The following DCC variants were observed in gnomAD, a reference collection of about 807,000 sequenced individuals.
The protein encoded by DCC is netrin receptor DCC.
Under a neutral mutation model 172.5 loss-of-function variants are expected in DCC, and 58 were observed. The ratio of observed to expected loss-of-function variants is 0.34; its 90% CI spans 0.27 to 0.42. DCC has a LOEUF of 0.42. DCC is among the 10% of genes least tolerant of loss of function. The pLI is 1.00. For synonymous variants in DCC, 709 were observed against 644.5 expected, an observed-to-expected ratio of 1.10 and a Z score of -1.52; for missense variants, 1,740 against 1,791.0, an observed-to-expected ratio of 0.97 and a Z score of 0.51.
intron 12 of DCC, among the ~76,000 whole-genome samples, chr18:53,247,513 C>A (rs2144650840): frequency 6.6e-6 from 1 of 152,124 alleles, no homozygotes; most frequent in Admixed American, 6.6e-5. Context: ...AGGAGAGTCT[C>A]TAGCACAATA....
At chr18:52,865,150 C>T (rs1459564380) in intron 2 of DCC, among the ~76,000 whole-genome samples, 1 of 152,162 alleles carries the variant, frequency 6.6e-6, no homozygotes, top group Non-Finnish European at 1.5e-5. Flanking sequence ...CAGGTGTGAG[C>T]CACCACACCC....
At chr18:53,507,534 T>A (rs1174000989) in intron 27 of DCC, among the ~76,000 whole-genome samples, 1 of 152,200 alleles carries the variant, frequency 6.6e-6, no homozygotes, top group Non-Finnish European at 1.5e-5. Context: ...ATCTTAGGCT[T>A]GCAGGAGGAC....
intron 1 of DCC, among the ~76,000 whole-genome samples, chr18:52,436,431 C>T (rs1987796746): frequency 1.3e-5 from 2 of 152,204 alleles, no homozygotes; most frequent in Admixed American, 6.5e-5. Context: ...TCTTGCCACT[C>T]AACATGCTGC....
rs554426005 is a variant in DCC, at chr18:52,783,127, C to T, written c.412+30753C>T. ...CTTTCAGAGGAAGCATAGTCTTAGA[C>T]TCTATTTATCATTTAAGTGAATAAT... is the stretch of plus-strand genomic sequence containing the variant. On this transcript the variant is annotated intron_variant, in intron 2 of 28. Coordinates refer to ENST00000442544, the MANE Select transcript of DCC (RefSeq NM_005215.4). Among the ~76,000 whole-genome samples, 256 of 150,662 alleles carry T rather than the reference C, an allele frequency of 1.7e-3. 1 individual carries two copies. The highest frequency in any genetic ancestry group is 2.4e-3 in the Admixed American group (37 of 15,134).
chr18:52,924,499 G>C (rs1323024973), intron 4 of DCC, among the ~76,000 whole-genome samples: 1 of 151,960 alleles, frequency 6.6e-6, no homozygotes, highest in Non-Finnish European at 1.5e-5. Flanking sequence ...GGCTGGCTTT[G>C]AATTGCTGGA....
chr18:52,549,704 T>G (rs1277774902), intron 1 of DCC, among the ~76,000 whole-genome samples: 1 of 152,134 alleles, frequency 6.6e-6, no homozygotes, highest in African/African-American at 2.4e-5. Context: ...GCAGCCTTAC[T>G]AACACAGAGT....
At chr18:53,486,663 T>C in intron 25 of DCC, 134 bp from the exon 26 acceptor site, 2 of 1,146,346 alleles carry the variant, frequency 1.7e-6, no homozygotes, top group Middle Eastern at 2.7e-4. Context: ...TGGAGAGAGG[T>C]AAGTAAGGGA....
chr18:53,207,688 G>C lies in DCC; in HGVS notation c.1732G>C (p.Val578Leu). The C allele has an allele frequency of 6.2e-7, 1 of 1,613,530 alleles. No homozygotes were observed. The highest frequency in any genetic ancestry group is 8.5e-7 in the Non-Finnish European group (1 of 1,179,634). The change falls in exon 11 of 29, where the codon GTT becomes CTT. Residue 578 changes from valine to leucine, a missense_variant. Coordinates refer to ENST00000442544, the MANE Select transcript of DCC (RefSeq NM_005215.4). Reference protein sequence around the residue: ...VSTGKEQNIEVDGLSYKLEGL... With the variant: ...VSTGKEQNIELDGLSYKLEGL... ...TGTTTTATGTCTCCAGAATATAGAG[G>C]TTGATGGACTATCTTATAAACTGGA...
intron 1 of DCC, among the ~76,000 whole-genome samples, chr18:52,656,942 G>A (rs923368090): frequency 6.6e-6 from 1 of 152,070 alleles, no homozygotes; most frequent in African/African-American, 2.4e-5. Context: ...TGGACAGCAT[G>A]CTGTCCTATT....
At chr18:53,515,498 G>A (rs1260322471) in intron 27 of DCC, among the ~76,000 whole-genome samples, 203 of 149,068 alleles carry the variant, frequency 1.4e-3, no homozygotes, top group African/African-American at 4.7e-3. Flanking sequence ...AGGAAAAGAG[G>A]AAGTCAAATT....
intron 1 of DCC, among the ~76,000 whole-genome samples, chr18:52,346,241 G>C (rs1018477924): frequency 2.6e-5 from 4 of 152,154 alleles, no homozygotes; most frequent in African/African-American, 9.7e-5. Context: ...ATAGGTAATA[G>C]CAAAAAATAA....
At chr18:52,955,532 C>T (rs116045764) in intron 5 of DCC, among the ~76,000 whole-genome samples, 1 of 151,784 alleles carries the variant, frequency 6.6e-6, no homozygotes, top group African/African-American at 2.4e-5. Context: ...TTTTTGTGGG[C>T]ATACATTGTC....
rs539412539 is a variant in DCC, at chr18:52,698,845, G to T, written c.92-53209G>T. ...AGGCTAGTCTCAAACTCCTGACCTCGTGATCCACCCACCTTGGCCTCCCAA... is the reference window on the plus strand; with the variant it reads ...AGGCTAGTCTCAAACTCCTGACCTCTTGATCCACCCACCTTGGCCTCCCAA... On this transcript the variant is annotated intron_variant, in intron 1 of 28. Transcript: ENST00000442544. Among the ~76,000 whole-genome samples, 3 of 147,962 alleles carry T rather than the reference G, an allele frequency of 2.0e-5. No individual in the cohort carries two copies. In the South Asian group the frequency reaches 6.3e-4, roughly 31 times the overall value.
chr18:53,344,302 G>C (rs1365484854), intron 15 of DCC, among the ~76,000 whole-genome samples: 1 of 151,734 alleles, frequency 6.6e-6, no homozygotes, highest in Non-Finnish European at 1.5e-5. Flanking sequence ...TTACCATTTA[G>C]TTCAAAGCAT....
chr18:52,713,494 C>T (rs1330850115), intron 1 of DCC, among the ~76,000 whole-genome samples: 2 of 152,168 alleles, frequency 1.3e-5, no homozygotes, highest in Non-Finnish European at 2.9e-5. Flanking sequence ...GTCTGGGGTG[C>T]TTGATGGCCT....
At chr18:52,877,426 C>T (rs574913037) in intron 2 of DCC, among the ~76,000 whole-genome samples, 3 of 152,002 alleles carry the variant, frequency 2.0e-5, no homozygotes, top group Non-Finnish European at 2.9e-5. Flanking sequence ...GTAAAGTTTT[C>T]GGCAAGGTGC....
At chr18:52,770,516 T>C (rs1224989864) in intron 2 of DCC, among the ~76,000 whole-genome samples, 1 of 152,222 alleles carries the variant, frequency 6.6e-6, no homozygotes, top group African/African-American at 2.4e-5. Flanking sequence ...GAAGGCTTCC[T>C]GAGAGCAGTC....
intron 25 of DCC, among the ~76,000 whole-genome samples, chr18:53,484,680 G>A (rs973765747): frequency 5.1e-4 from 77 of 152,070 alleles, no homozygotes; most frequent in Non-Finnish European, 2.5e-4. Context: ...ATTTATGGAA[G>A]AGACTATACC....
intron 23 of DCC, among the ~76,000 whole-genome samples, chr18:53,451,266 T>C (rs917496454): frequency 6.6e-6 from 1 of 152,234 alleles, no homozygotes; most frequent in Non-Finnish European, 1.5e-5. Context: ...AATATTTTCA[T>C]ATTATGCAGC....
Sources: gnomAD v4.1 joint callset for allele counts (sites outside exome capture counted in the v4.1 genomes callset) on GRCh38, gnomAD v4.1.1 for gene constraint, MANE v1.5 for transcripts, NCBI Gene and HGNC (gene_info 2026-07-23, HGNC 2026-07-21) for gene names.